CHM: variants seen among roughly 807,000 people sequenced by gnomAD.
The protein encoded by CHM is CHM Rab escort protein, also known as rab proteins geranylgeranyltransferase component A 1.
A neutral mutation model predicts 49.0 loss-of-function variants in CHM; 10 were observed. The ratio of observed to expected loss-of-function variants is 0.20; its 90% CI spans 0.13 to 0.35. CHM has a LOEUF of 0.35. Ranked by LOEUF, CHM falls within the 10% of genes least tolerant of loss-of-function variation. The pLI, the probability that CHM is intolerant of heterozygous loss-of-function variation, is 1.00. For missense variants in CHM, 455 were observed against 478.4 expected, an observed-to-expected ratio of 0.95 and a Z score of 0.46; for synonymous variants, 184 against 167.5, an observed-to-expected ratio of 1.10 and a Z score of -0.76.
Position 85,911,347 on chromosome X carries a change from A to C in CHM, c.1167-9T>G, listed in dbSNP as rs780695876. On this transcript the variant is annotated splice_polypyrimidine_tract_variant and intron_variant, in intron 8 of 14. Coordinates refer to ENST00000357749, the MANE Select transcript of CHM (RefSeq NM_000390.4). ...CAAACACAGCACACATCCTAGAAAGAGAACAGAAAAATAAGAATTAGGGTA... is the reference window on the plus strand; with the variant it reads ...CAAACACAGCACACATCCTAGAAAGCGAACAGAAAAATAAGAATTAGGGTA... The C allele has an allele frequency of 7.1e-6, 7 of 991,758 alleles. No individual in the cohort carries two copies. Among genetic ancestry groups the C allele is most frequent in the Non-Finnish European group, 9.4e-6 (7 of 741,883 alleles). 81.7% of individuals were successfully genotyped at this position (991,758 alleles called of 1,213,427 possible).
At chrX:86,003,322 T>G (rs1932785629) in intron 2 of CHM, among the ~76,000 whole-genome samples, 1 of 112,180 alleles carries the variant, frequency 8.9e-6, no homozygotes, top group African/African-American at 3.2e-5. Flanking sequence ...GGAGAAAAGC[T>G]GAAAATTCTA....
intron 14 of CHM, among the ~76,000 whole-genome samples, chrX:85,872,549 G>C (rs1483949302): frequency 9.0e-6 from 1 of 111,328 alleles, no homozygotes; most frequent in Non-Finnish European, 1.9e-5. Flanking sequence ...AACATAAATA[G>C]AATCAAGTTA....
chrX:85,931,478 A>T (rs1238394601), intron 8 of CHM, among the ~76,000 whole-genome samples: 2 of 112,296 alleles, frequency 1.8e-5, no homozygotes, highest in Non-Finnish European at 3.8e-5. Flanking sequence ...CAAGAAATCT[A>T]AAATTGTGTT....
intron 4 of CHM, among the ~76,000 whole-genome samples, chrX:85,973,423 A>G (rs893405679): frequency 9.1e-6 from 1 of 109,829 alleles, no homozygotes; most frequent in African/African-American, 3.3e-5. Flanking sequence ...GTGACAAGAC[A>G]TGTCATAATA....
intron 9 of CHM, among the ~76,000 whole-genome samples, chrX:85,907,896 T>G (rs2148162851): frequency 8.9e-6 from 1 of 111,840 alleles, no homozygotes; most frequent in African/African-American, 3.2e-5. Context: ...AACAGTGAGA[T>G]CCTGCCTTTT....
At chrX:85,969,967 T>C in intron 4 of CHM, 1 of 111,522 alleles carries the variant, frequency 9.0e-6, no homozygotes, top group Admixed American at 9.5e-5. Context: ...GAGGAGAGGT[T>C]GGTCAATGGG....
chrX:86,017,621 A>G (rs1314971433), intron 2 of CHM, among the ~76,000 whole-genome samples: 1 of 111,721 alleles, frequency 9.0e-6, no homozygotes, highest in African/African-American at 3.3e-5. Flanking sequence ...TGTAAGTCCA[A>G]TTAAACCTCT....
Position 85,963,946 on chromosome X carries a change from T to C in CHM, c.421A>G (p.Thr141Ala), listed in dbSNP as rs766636159. The change falls in exon 5 of 15, where the codon ACG becomes GCG. Residue 141 changes from threonine to alanine, a missense_variant. Coordinates refer to ENST00000357749, the MANE Select transcript of CHM (RefSeq NM_000390.4). Reference protein sequence around the residue: ...TEAADSAFLPTEDESLSTMSC... With the variant: ...TEAADSAFLPAEDESLSTMSC... ...ATAGTGCTTAATGACTCATCCTCCG[T>C]AGGCAGGAAGGCAGAATCTGCAGCT... 3.3e-6 allele frequency: 4 copies of C among 1,211,140 alleles called. No homozygotes were observed. Among genetic ancestry groups the C allele is most frequent in the South Asian group, 1.8e-5 (1 of 56,874 alleles).
chrX:85,913,336 G>GAAAGAAAGAA (rs1927211684), intron 8 of CHM, among the ~76,000 whole-genome samples: 1 of 38,865 alleles, frequency 2.6e-5, no homozygotes, highest in African/African-American at 9.0e-5. Flanking sequence ...AAAAAAAAAA[G>GAAAGAAAGAA]AAAGAAAGAA....
At chrX:85,951,988 G>C in intron 8 of CHM, among the ~76,000 whole-genome samples, 1 of 112,257 alleles carries the variant, frequency 8.9e-6, no homozygotes, top group Non-Finnish European at 1.9e-5. Flanking sequence ...GCTATGCTAG[G>C]CTCAGGTGGC....
chrX:85,998,457 T>C (rs1314988344), intron 2 of CHM, among the ~76,000 whole-genome samples: 2 of 112,043 alleles, frequency 1.8e-5, no homozygotes, highest in African/African-American at 3.2e-5. Context: ...CCTTGACTTA[T>C]GATATAACAT....
intron 5 of CHM, 44 bp from the exon 6 acceptor site, chrX:85,959,021 G>A (rs913104254): frequency 3.4e-6 from 4 of 1,185,164 alleles, no homozygotes; most frequent in Non-Finnish European, 4.6e-6. Context: ...TGAAATAGTA[G>A]AAAAATTGGA....
intron 14 of CHM, among the ~76,000 whole-genome samples, chrX:85,867,542 CTGTT>C (rs1923776262): frequency 8.9e-6 from 1 of 112,310 alleles, no homozygotes; most frequent in African/African-American, 3.2e-5. Context: ...AAACTCTTCA[CTGTT>C]TGTTCAACTA....
intron 1 of CHM, among the ~76,000 whole-genome samples, chrX:86,041,726 G>GTA (rs3078104): frequency 0.044 from 3,671 of 83,504 alleles, 92 homozygotes; most frequent in East Asian, 0.073. Context: ...TGGTGTGTGT[G>GTA]TATATATATA....
chrX:85,877,493 C>T (rs1415814593), intron 13 of CHM, among the ~76,000 whole-genome samples: 1 of 111,274 alleles, frequency 9.0e-6, no homozygotes, highest in African/African-American at 3.3e-5. Context: ...TTAAAGGGTG[C>T]AGAACATAAA....
chrX:85,995,260 TAAAAAAAAAAAA>T (rs55742394), intron 2 of CHM, among the ~76,000 whole-genome samples: 9 of 46,812 alleles, frequency 1.9e-4, no homozygotes, highest in Admixed American at 3.4e-4. Flanking sequence ...CCTTATTACT[TAAAAAAAAAAAA>T]AAAAAAAAAA....
At chrX:86,033,435 C>T (rs542041515) in intron 1 of CHM, among the ~76,000 whole-genome samples, 1 of 111,788 alleles carries the variant, frequency 8.9e-6, no homozygotes, top group East Asian at 2.8e-4. Context: ...CCAGTGAAGA[C>T]CAGAATGGAA....
At chrX:85,945,307 G>C (rs891161133) in intron 8 of CHM, among the ~76,000 whole-genome samples, 4 of 109,256 alleles carry the variant, frequency 3.7e-5, no homozygotes, top group East Asian at 2.9e-4. Flanking sequence ...GGTAGGGCCT[G>C]GTGGGAAGTG....
chrX:85,924,516 C>G (rs1277888265), intron 8 of CHM, among the ~76,000 whole-genome samples: 1 of 111,709 alleles, frequency 9.0e-6, no homozygotes, highest in African/African-American at 3.3e-5. Flanking sequence ...CTTACTCCAC[C>G]TGTGGGGTGA....
Sources: allele counts gnomAD v4.1 joint callset (sites outside exome capture counted in the v4.1 genomes callset), GRCh38; gene constraint gnomAD v4.1.1; transcripts MANE v1.5; gene names NCBI Gene and HGNC (gene_info 2026-07-23, HGNC 2026-07-21).